Variants in NUBPL observed in about 807,000 individuals in gnomAD.
The protein encoded by NUBPL is NUBP iron-sulfur cluster assembly factor, mitochondrial.
In NUBPL, 31 loss-of-function variants were observed where a neutral mutation model predicts 45.7. The observed-to-expected ratio is 0.68, with a 90% confidence interval of 0.51 to 0.92. The LOEUF is 0.92. Ranked by LOEUF, NUBPL falls within the 40% of genes least tolerant of loss-of-function variation. The pLI, the probability that NUBPL is intolerant of heterozygous loss-of-function variation, is 0.00. For missense variants in NUBPL, 401 were observed against 398.7 expected, an observed-to-expected ratio of 1.01 and a Z score of -0.05; for synonymous variants, 144 against 140.9, an observed-to-expected ratio of 1.02 and a Z score of -0.15.
rs1267047294 is a variant in NUBPL, at chr14:31,852,686, A to T, written c.897+2485A>T. 2.6e-5 allele frequency among the ~76,000 whole-genome samples: 4 copies of T among 152,268 alleles called. No individual in the cohort carries two copies. The South Asian group carries it at 6.2e-4, about 24-fold the overall frequency. On this transcript the variant is annotated intron_variant, in intron 10 of 10. Coordinates refer to ENST00000281081, the MANE Select transcript of NUBPL (RefSeq NM_025152.3). ...AACTCCGTCAAAAAATAAAAATAAA[A>T]AAATCAGGGTAGCAGCATTTGAATC...
chr14:31,638,195 A>G (rs2035565690), intron 4 of NUBPL, among the ~76,000 whole-genome samples: 2 of 151,934 alleles, frequency 1.3e-5, no homozygotes, highest in African/African-American at 2.4e-5. Flanking sequence ...GATGGTCTTT[A>G]CATTTTGGCA....
chr14:31,762,115 C>T (rs2038823743), intron 6 of NUBPL, among the ~76,000 whole-genome samples: 1 of 152,110 alleles, frequency 6.6e-6, no homozygotes, highest in South Asian at 2.1e-4. Flanking sequence ...GACAAATTTG[C>T]AGGTTCTTCA....
At chr14:31,763,955 G>A (rs955826070) in intron 6 of NUBPL, among the ~76,000 whole-genome samples, 13 of 152,152 alleles carry the variant, frequency 8.5e-5, no homozygotes, top group Non-Finnish European at 1.9e-4. Flanking sequence ...TCTGGACACT[G>A]GTACTGAAAC....
At chr14:31,655,466 A>G (rs895107165) in intron 4 of NUBPL, among the ~76,000 whole-genome samples, 1 of 152,162 alleles carries the variant, frequency 6.6e-6, no homozygotes, top group African/African-American at 2.4e-5. Flanking sequence ...TAATCCTAGC[A>G]CTTTGGGAGG....
At chr14:31,835,190 G>A (rs1385345584) in intron 8 of NUBPL, among the ~76,000 whole-genome samples, 1 of 152,172 alleles carries the variant, frequency 6.6e-6, no homozygotes, top group South Asian at 2.1e-4. Context: ...AGCACTGGGT[G>A]GTAAGGATGG....
At chr14:31,819,456 G>T (rs1438991308) in intron 7 of NUBPL, among the ~76,000 whole-genome samples, 1 of 152,102 alleles carries the variant, frequency 6.6e-6, no homozygotes, top group Non-Finnish European at 1.5e-5. Context: ...GTAGGCTCCA[G>T]CACTGAAGTT....
chr14:31,719,524 G>A (rs910813099), intron 6 of NUBPL, among the ~76,000 whole-genome samples: 1 of 151,904 alleles, frequency 6.6e-6, no homozygotes, highest in African/African-American at 2.4e-5. Flanking sequence ...AATTTGCTGT[G>A]AATTTAGTCT....
chr14:31,594,319 C>G (rs1191272658), intron 3 of NUBPL, among the ~76,000 whole-genome samples: 1 of 152,164 alleles, frequency 6.6e-6, no homozygotes. Context: ...ACTCAAGACA[C>G]TGAGGCGGGA....
At chr14:31,824,803 T>G (rs989776000) in intron 7 of NUBPL, among the ~76,000 whole-genome samples, 1 of 152,212 alleles carries the variant, frequency 6.6e-6, no homozygotes, top group African/African-American at 2.4e-5. Context: ...GTCTGCCACT[T>G]GATACCAATT....
At chr14:31,592,184 C>G (rs2034160157) in intron 3 of NUBPL, among the ~76,000 whole-genome samples, 1 of 152,042 alleles carries the variant, frequency 6.6e-6, no homozygotes, top group South Asian at 2.1e-4. Context: ...GGGCAAAGGC[C>G]AATAGGTGGG....
At chr14:31,700,304 GT>G (rs1265481172) in intron 6 of NUBPL, among the ~76,000 whole-genome samples, 1 of 152,176 alleles carries the variant, frequency 6.6e-6, no homozygotes, top group African/African-American at 2.4e-5. Flanking sequence ...CTTCTACACT[GT>G]TAAGAGGGAT....
chr14:31,853,068 TTGTGTTGTGTTG>T lies in NUBPL; in HGVS notation c.897+2871_897+2882del, dbSNP rs370783157. Among the ~76,000 whole-genome samples, 20 of 51,752 alleles carry T rather than the reference TTGTGTTGTGTTG, an allele frequency of 3.9e-4. No individual in the cohort carries two copies. In the African/African-American group the frequency reaches 4.6e-3, roughly 12 times the overall value. 34.0% of individuals were successfully genotyped at this position (51,752 alleles called of 152,430 possible). A position where few individuals can be genotyped will look rare whatever the true frequency, so the allele number is the denominator to read the frequency against. ...AATTATCCACTTTAGACTGATACTG[TTGTGTTGTGTTG>T]TGTTTTGTTTTGTTTTGTTTTGTTT... On this transcript the variant is annotated intron_variant, in intron 10 of 10. Transcript: ENST00000281081.
chr14:31,644,489 T>G (rs1255883730), intron 4 of NUBPL, among the ~76,000 whole-genome samples: 1 of 152,194 alleles, frequency 6.6e-6, no homozygotes, highest in Non-Finnish European at 1.5e-5. Flanking sequence ...TAGTTTCTAG[T>G]TTTATTCCAC....
chr14:31,803,059 T>C (rs193299495), intron 7 of NUBPL, among the ~76,000 whole-genome samples: 6 of 152,336 alleles, frequency 3.9e-5, no homozygotes, highest in African/African-American at 1.4e-4. Flanking sequence ...CTTAATCAGT[T>C]ATCTCTTTTA....
chr14:31,824,423 G>A (rs2040065662), intron 7 of NUBPL, among the ~76,000 whole-genome samples: 2 of 152,040 alleles, frequency 1.3e-5, no homozygotes, highest in Admixed American at 6.6e-5. Context: ...ACTTAACTAG[G>A]TGTAAACACA....
intron 7 of NUBPL, among the ~76,000 whole-genome samples, chr14:31,824,437 T>A (rs2040066019): frequency 6.6e-6 from 1 of 152,206 alleles, no homozygotes; most frequent in African/African-American, 2.4e-5. Context: ...AAACACAAAT[T>A]TCTTAAGTTT....
chr14:31,563,456 A>C (rs1489764918), intron 2 of NUBPL, among the ~76,000 whole-genome samples: 1 of 152,180 alleles, frequency 6.6e-6, no homozygotes, highest in Non-Finnish European at 1.5e-5. Context: ...TGCTTCAGTA[A>C]ATGTCCCTTT....
chr14:31,737,206 T>C (rs1432002084), intron 6 of NUBPL, among the ~76,000 whole-genome samples: 1 of 152,248 alleles, frequency 6.6e-6, no homozygotes, highest in Non-Finnish European at 1.5e-5. Flanking sequence ...TGTATTTTAT[T>C]TAAGAAGTCT....
chr14:31,562,056 T>C lies in NUBPL; in HGVS notation c.109-12T>C, dbSNP rs748479242. On this transcript the variant is annotated splice_polypyrimidine_tract_variant and intron_variant, in intron 1 of 10. Transcript: ENST00000281081. The stretch of plus-strand genomic sequence containing the variant: ...ATTTAAAACGGCTTTTTATTATTAT[T>C]ATTTTTTAAAGTTGTCTGGCGCCGG... 6.4e-7 allele frequency: 1 copy of C among 1,559,176 alleles called. No individual in the cohort carries two copies. Among genetic ancestry groups the C allele is most frequent in the South Asian group, 1.2e-5 (1 of 85,166 alleles).
Sources: allele counts gnomAD v4.1 joint callset (sites outside exome capture counted in the v4.1 genomes callset), GRCh38; gene constraint gnomAD v4.1.1; transcripts MANE v1.5; gene names NCBI Gene and HGNC (gene_info 2026-07-23, HGNC 2026-07-21).